Variants in SUPT3H observed in about 807,000 individuals in gnomAD.
SUPT3H encodes the protein transcription initiation protein SPT3 homolog.
A neutral mutation model predicts 44.3 loss-of-function variants in SUPT3H; 44 were observed. The ratio of observed to expected loss-of-function variants is 0.99; its 90% CI spans 0.78 to 1.28. SUPT3H has a LOEUF of 1.28. Ranked by LOEUF, SUPT3H falls within the 50% of genes most tolerant of loss-of-function variation. The pLI, the probability that SUPT3H is intolerant of heterozygous loss-of-function variation, is 0.00. For missense variants in SUPT3H, 380 were observed against 387.1 expected (o/e 0.98, Z 0.15); for synonymous variants, 124 against 125.6 (o/e 0.99, Z 0.09).
intron 2 of SUPT3H, among the ~76,000 whole-genome samples, chr6:45,361,139 T>A (rs757324221): frequency 6.6e-6 from 1 of 152,174 alleles, no homozygotes; most frequent in African/African-American, 2.4e-5. Flanking sequence ...ATGCAAAAAT[T>A]GCAGAACTGT....
chr6:45,018,887 T>C (rs1421465238), intron 4 of SUPT3H, among the ~76,000 whole-genome samples: 1 of 152,042 alleles, frequency 6.6e-6, no homozygotes, highest in Admixed American at 6.6e-5. Context: ...GGATTCCCTC[T>C]TTTTCTATTG....
chr6:45,284,733 A>G lies in SUPT3H; in HGVS notation c.101+80468T>C, dbSNP rs556510145. ...AACAGAAAAAGAGGGAATCCTCCCTAACTCATTTTATGAGGCCAGCATCAT... is the reference window on the plus strand; with the variant it reads ...AACAGAAAAAGAGGGAATCCTCCCTGACTCATTTTATGAGGCCAGCATCAT... On this transcript the variant is annotated intron_variant, in intron 2 of 10. Coordinates refer to ENST00000371459, the MANE Select transcript of SUPT3H (RefSeq NM_003599.4). Among the ~76,000 whole-genome samples, 3 of 152,356 alleles carry G rather than the reference A, an allele frequency of 2.0e-5. No homozygotes were observed. In the East Asian group the frequency reaches 5.8e-4, roughly 29 times the overall value.
At chr6:45,262,852 G>C (rs1774607810) in intron 2 of SUPT3H, among the ~76,000 whole-genome samples, 1 of 152,026 alleles carries the variant, frequency 6.6e-6, no homozygotes. Flanking sequence ...CTTCTTAAAA[G>C]ACAACATACA....
At chr6:44,966,413 ATATT>A (rs920111089) in intron 6 of SUPT3H, among the ~76,000 whole-genome samples, 3 of 150,264 alleles carry the variant, frequency 2.0e-5, no homozygotes, top group African/African-American at 7.2e-5. Flanking sequence ...AATTTATAAA[ATATT>A]TATATTTATT....
At chr6:45,207,930 G>A (rs1371116335) in intron 2 of SUPT3H, among the ~76,000 whole-genome samples, 4 of 152,122 alleles carry the variant, frequency 2.6e-5, no homozygotes, top group Admixed American at 2.6e-4. Flanking sequence ...GAAAGTTAAA[G>A]TTTTACTTCT....
chr6:45,052,524 T>G (rs1583268501), intron 3 of SUPT3H, among the ~76,000 whole-genome samples: 1 of 152,230 alleles, frequency 6.6e-6, no homozygotes, highest in African/African-American at 2.4e-5. Flanking sequence ...GCATTTTGTA[T>G]TGACTGCGTT....
chr6:44,899,670 G>C (rs943402581), intron 10 of SUPT3H, among the ~76,000 whole-genome samples: 3 of 152,172 alleles, frequency 2.0e-5, no homozygotes, highest in Non-Finnish European at 1.5e-5. Flanking sequence ...CTGGGCAACA[G>C]AGTGAGACTC....
chr6:45,329,829 C>T (rs1412412537), intron 2 of SUPT3H, among the ~76,000 whole-genome samples: 1 of 151,940 alleles, frequency 6.6e-6, no homozygotes, highest in Non-Finnish European at 1.5e-5. Context: ...TCTAAACACA[C>T]TTACAAGATT....
In SUPT3H at chr6:45,019,804, T is replaced by C. The variant is rs372443831; in HGVS notation, c.273+742A>G. On this transcript the variant is annotated intron_variant, in intron 4 of 10. Coordinates refer to ENST00000371459, the MANE Select transcript of SUPT3H (RefSeq NM_003599.4). Reference sequence around the variant, plus strand: ...AGTTTCATGAGTCTTAAAATTCTTCTTCAAGTAAATCATATAGATACCCTA... The same window carrying C: ...AGTTTCATGAGTCTTAAAATTCTTCCTCAAGTAAATCATATAGATACCCTA... Among the ~76,000 whole-genome samples, 3 of 152,076 alleles carry C rather than the reference T, an allele frequency of 2.0e-5. No homozygotes were observed. In the East Asian group the frequency reaches 5.8e-4, roughly 29 times the overall value.
intron 10 of SUPT3H, among the ~76,000 whole-genome samples, chr6:44,864,920 G>T (rs950001172): frequency 2.0e-5 from 3 of 152,138 alleles, no homozygotes; most frequent in African/African-American, 4.8e-5. Context: ...CATATAATGG[G>T]ATCTTCTTTT....
intron 3 of SUPT3H, among the ~76,000 whole-genome samples, chr6:45,029,408 A>C (rs1786575687): frequency 6.6e-6 from 1 of 151,036 alleles, no homozygotes. Flanking sequence ...ATGTGTATAT[A>C]TATATAATTA....
rs1413272000 is a variant in SUPT3H at position 45,233,687 on chromosome 6, C to T, written c.102-127681G>A. On this transcript the variant is annotated intron_variant, in intron 2 of 10. Transcript: ENST00000371459. ...TCTCTGTTGGATTCTGGTGTTCTCT[C>T]CTATATATTCTATTCAAGGTATGAT... 2.0e-5 allele frequency among the ~76,000 whole-genome samples: 3 copies of T among 152,168 alleles called. No homozygotes were observed. The East Asian group carries it at 5.8e-4, about 29-fold the overall frequency.
chr6:45,244,048 A>AT (rs972535977), intron 2 of SUPT3H, among the ~76,000 whole-genome samples: 9 of 151,902 alleles, frequency 5.9e-5, no homozygotes, highest in African/African-American at 2.2e-4. Context: ...CACCTGGCTA[A>AT]TTTTTTTCTA....
chr6:45,220,921 C>A (rs1054880294), intron 2 of SUPT3H, among the ~76,000 whole-genome samples: 1 of 152,178 alleles, frequency 6.6e-6, no homozygotes, highest in African/African-American at 2.4e-5. Flanking sequence ...GACACATGCA[C>A]ACGTATGTTT....
chr6:45,051,180 C>A (rs562156305), intron 3 of SUPT3H, among the ~76,000 whole-genome samples: 3 of 152,086 alleles, frequency 2.0e-5, no homozygotes, highest in Non-Finnish European at 4.4e-5. Flanking sequence ...TGAGCCACTG[C>A]GCCCAGCCTG....
intron 1 of SUPT3H, among the ~76,000 whole-genome samples, chr6:45,367,252 C>T (rs1253266896): frequency 6.6e-6 from 1 of 152,018 alleles, no homozygotes; most frequent in Non-Finnish European, 1.5e-5. Context: ...AAGGCAAGAG[C>T]ACAAAAAGCG....
chr6:45,074,110 T>A (rs1340203270), intron 3 of SUPT3H, among the ~76,000 whole-genome samples: 1 of 151,976 alleles, frequency 6.6e-6, no homozygotes, highest in African/African-American at 2.4e-5. Context: ...TTTATTTATG[T>A]CCAAAAATGT....
chr6:44,857,706 T>C (rs112386707), intron 10 of SUPT3H, among the ~76,000 whole-genome samples: 32 of 152,328 alleles, frequency 2.1e-4, no homozygotes, highest in Admixed American at 1.8e-3. Flanking sequence ...CTTTAGAGAA[T>C]AGCCACTTCT....
intron 2 of SUPT3H, among the ~76,000 whole-genome samples, chr6:45,283,762 C>T (rs1425167911): frequency 1.3e-5 from 2 of 152,050 alleles, no homozygotes; most frequent in Non-Finnish European, 2.9e-5. Flanking sequence ...GAACTCTCCA[C>T]CCCAAATCAA....
Sources: allele counts gnomAD v4.1 joint callset (sites outside exome capture counted in the v4.1 genomes callset), GRCh38; gene constraint gnomAD v4.1.1; transcripts MANE v1.5; gene names NCBI Gene and HGNC (gene_info 2026-07-23, HGNC 2026-07-21).